SLC9C2: variants seen among roughly 807,000 people sequenced by gnomAD.
SLC9C2 encodes the protein solute carrier family 9 member C2 (putative).
A neutral mutation model predicts 140.2 loss-of-function variants in SLC9C2; 75 were observed. The ratio of observed to expected loss-of-function variants is 0.53; its 90% CI spans 0.44 to 0.65. SLC9C2 has a LOEUF of 0.65. Among genes scored for constraint, SLC9C2 ranks in the 30% least tolerant of loss-of-function variants. The pLI is 0.00. For synonymous variants in SLC9C2, 375 were observed against 420.9 expected (o/e 0.89, Z 1.34); for missense variants, 1,074 against 1,331.8 (o/e 0.81, Z 3.01).
chr1:173,561,824 C>G lies in SLC9C2; in HGVS notation c.1047-4316G>C, dbSNP rs538877691. Reference sequence around the variant, plus strand: ...CCACTCCCACCCATTCCCCCAAGGACTGACCAATCACATAAGATACACACA... The same window carrying G: ...CCACTCCCACCCATTCCCCCAAGGAGTGACCAATCACATAAGATACACACA... On this transcript the variant is annotated intron_variant, in intron 9 of 27. Coordinates refer to ENST00000367714, the MANE Select transcript of SLC9C2 (RefSeq NM_178527.4). 2.0e-5 allele frequency among the ~76,000 whole-genome samples: 3 copies of G among 150,884 alleles called. No homozygotes were observed. In the South Asian group the frequency reaches 6.3e-4, roughly 32 times the overall value.
intron 13 of SLC9C2, among the ~76,000 whole-genome samples, chr1:173,544,300 A>G (rs1284554529): frequency 6.6e-6 from 1 of 152,204 alleles, no homozygotes. Context: ...AATCAAAACC[A>G]CAATGAGATG....
intron 21 of SLC9C2, among the ~76,000 whole-genome samples, chr1:173,523,080 C>T (rs10753082): frequency 0.51 from 77,392 of 152,060 alleles, 21,441 homozygotes; most frequent in East Asian, 0.95. Context: ...CTTTTGAAAG[C>T]AGGGACTTCT....
At chr1:173,591,225 G>A (rs939570076) in intron 4 of SLC9C2, among the ~76,000 whole-genome samples, 2 of 152,048 alleles carry the variant, frequency 1.3e-5, no homozygotes, top group Non-Finnish European at 2.9e-5. Context: ...CTTTTTTATG[G>A]CTGCACAGTA....
chr1:173,505,333 T>C lies in SLC9C2; in HGVS notation c.3226-2A>G. ...GCTTAAATCAGAAGTTCCCTGAACC[T>C]AGAGGAGAAAAGTCAAAATTAGTCA... On this transcript the variant is annotated splice_acceptor_variant, in intron 25 of 27. Coordinates refer to ENST00000367714, the MANE Select transcript of SLC9C2 (RefSeq NM_178527.4). LOFTEE classifies it high-confidence loss of function. The C allele has an allele frequency of 6.2e-7, 1 of 1,613,488 alleles. No homozygotes were observed.
chr1:173,549,114 C>G (rs933360998), intron 11 of SLC9C2, among the ~76,000 whole-genome samples: 29 of 152,204 alleles, frequency 1.9e-4, no homozygotes, highest in African/African-American at 6.8e-4. Flanking sequence ...ACAAGGCTCA[C>G]TTACCAAAGA....
chr1:173,517,135 A>G (rs1294627699), intron 23 of SLC9C2, among the ~76,000 whole-genome samples: 5 of 152,258 alleles, frequency 3.3e-5, no homozygotes, highest in African/African-American at 9.6e-5. Context: ...ATCTGTTCAT[A>G]TATTTTGCCC....
chr1:173,509,538 A>G, intron 24 of SLC9C2, 30 bp downstream of exon 24: 1 of 1,471,236 alleles, frequency 6.8e-7, no homozygotes, highest in Non-Finnish European at 9.0e-7. Flanking sequence ...TAAAAATTCA[A>G]TTTATTAATA....
chr1:173,558,511 C>T (rs552130581), intron 9 of SLC9C2, among the ~76,000 whole-genome samples: 44 of 152,214 alleles, frequency 2.9e-4, no homozygotes, highest in Middle Eastern at 3.2e-3. Flanking sequence ...TGCATAACTA[C>T]ATAAGCAAGT....
At chr1:173,549,206 T>C (rs763119341) in intron 11 of SLC9C2, among the ~76,000 whole-genome samples, 1 of 152,228 alleles carries the variant, frequency 6.6e-6, no homozygotes, top group Non-Finnish European at 1.5e-5. Flanking sequence ...TAAAATTGCA[T>C]ATGAAATGTC....
intron 1 of SLC9C2, 66 bp from the exon 2 acceptor site, chr1:173,601,921 A>G: frequency 1.0e-6 from 1 of 985,548 alleles, no homozygotes; most frequent in Non-Finnish European, 1.5e-6. Flanking sequence ...ATTTCTACCT[A>G]AGATTGTGCC....
Position 173,509,660 on chromosome 1 carries a change from C to T in SLC9C2, c.2947G>A (p.Asp983Asn). The T allele has an allele frequency of 6.3e-7, 1 of 1,596,422 alleles. No individual in the cohort carries two copies. The highest frequency in any genetic ancestry group is 8.5e-7 in the Non-Finnish European group (1 of 1,175,266). Residue 983 changes from aspartate (D) to asparagine (N), a missense_variant, in exon 24 of 28, where the codon GAT (aspartate) becomes AAT (asparagine). By Grantham distance (23) the Asp-to-Asn change is conservative (BLOSUM62 1). Coordinates refer to ENST00000367714, the MANE Select transcript of SLC9C2 (RefSeq NM_178527.4). ...TATTCCAGAGATGGCCAGAAGGCAT[C>T]AAAGCCTTCATATAAATCCTCCAGG... ...ISLEDLYEGF[D>N]AFWPSLEYKI...
intron 20 of SLC9C2, 46 bp downstream of exon 20, chr1:173,524,733 A>T: frequency 6.2e-7 from 1 of 1,601,666 alleles, no homozygotes; most frequent in South Asian, 1.1e-5. Context: ...TGCTAAAGTA[A>T]CCATGAAGGC....
chr1:173,531,037 A>G (rs12041114), intron 17 of SLC9C2, among the ~76,000 whole-genome samples: 31,271 of 152,172 alleles, frequency 0.21, 4,330 homozygotes, highest in East Asian at 0.65. Flanking sequence ...AAAGATTGCC[A>G]GTATTCTTTC....
chr1:173,574,589 C>A, intron 8 of SLC9C2, among the ~76,000 whole-genome samples: 1 of 145,680 alleles, frequency 6.9e-6, no homozygotes. Flanking sequence ...CGGCTCACTG[C>A]AAGCTCCACC....
At chr1:173,550,841 G>A (rs1663233050) in intron 11 of SLC9C2, among the ~76,000 whole-genome samples, 1 of 145,068 alleles carries the variant, frequency 6.9e-6, no homozygotes, top group African/African-American at 2.6e-5. Context: ...AGGAATTTGA[G>A]ACCAGCCTGG....
At chr1:173,556,925 CT>C (rs1663746039) in intron 10 of SLC9C2, among the ~76,000 whole-genome samples, 1 of 142,136 alleles carries the variant, frequency 7.0e-6, no homozygotes, top group Non-Finnish European at 1.5e-5. Flanking sequence ...GAAATCTTGT[CT>C]CAAAAAAAAA....
At chr1:173,566,960 G>T (rs1376364272) in intron 9 of SLC9C2, among the ~76,000 whole-genome samples, 1 of 151,710 alleles carries the variant, frequency 6.6e-6, no homozygotes, top group Non-Finnish European at 1.5e-5. Context: ...GGAGCATTTT[G>T]TTTAATTTAC....
At chr1:173,597,803 T>C (rs1415893680) in intron 4 of SLC9C2, 101 bp downstream of exon 4, 6 of 1,200,722 alleles carry the variant, frequency 5.0e-6, no homozygotes, top group Non-Finnish European at 6.8e-6. Context: ...AAATAAAATA[T>C]GACATTTTGT....
intron 7 of SLC9C2, among the ~76,000 whole-genome samples, chr1:173,578,027 C>T (rs530547350): frequency 8.4e-4 from 128 of 152,192 alleles, no homozygotes; most frequent in Non-Finnish European, 1.4e-3. Flanking sequence ...GTGATAAGCC[C>T]CAGTTACAGG....
Sources: allele counts gnomAD v4.1 joint callset (sites outside exome capture counted in the v4.1 genomes callset), GRCh38; gene constraint gnomAD v4.1.1; transcripts MANE v1.5; gene names NCBI Gene and HGNC (gene_info 2026-07-23, HGNC 2026-07-21).